Variants in KCNA6 observed in about 807,000 individuals in gnomAD.
KCNA6 encodes the protein potassium voltage-gated channel subfamily A member 6.
A neutral mutation model predicts 29.5 loss-of-function variants in KCNA6; 17 were observed. That is an observed-to-expected ratio of 0.58 (90% CI 0.39 to 0.86). The LOEUF (loss-of-function observed/expected upper bound fraction) is 0.86. KCNA6 is among the 40% of genes least tolerant of loss of function. KCNA6 has a pLI of 0.00. For synonymous variants in KCNA6, 296 were observed against 304.7 expected, an observed-to-expected ratio of 0.97 and a Z score of 0.30; for missense variants, 450 against 703.4, an observed-to-expected ratio of 0.64 and a Z score of 4.07.
At chr12:4,849,196 C>A in the KCNA6 span, among the ~76,000 whole-genome samples, 86,581 of 151,856 alleles carry the variant, frequency 0.57, 25,020 homozygotes, top group Admixed American at 0.64. Flanking sequence ...CTGTAGGTGG[C>A]GCCATAGAGC....
chr12:4,843,208 T>G, the KCNA6 span, among the ~76,000 whole-genome samples: 3 of 148,252 alleles, frequency 2.0e-5, no homozygotes, highest in East Asian at 2.0e-4. Flanking sequence ...TGAGACGGAG[T>G]CTCACTCTGT....
the KCNA6 span, among the ~76,000 whole-genome samples, chr12:4,844,177 C>T: frequency 2.0e-4 from 31 of 152,330 alleles, no homozygotes; most frequent in East Asian, 6.0e-3. This position sits in a 1 kb window ranked among gnomAD's most constrained non-coding sequence, Gnocchi z 4.0. Flanking sequence ...ACCATGGATG[C>T]ATCGGCAAAC....
chr12:4,816,065 T>A (rs1205176177), downstream of KCNA6, among the ~76,000 whole-genome samples: 1 of 152,188 alleles, frequency 6.6e-6, no homozygotes, highest in African/African-American at 2.4e-5. Flanking sequence ...AGTCTAATAA[T>A]CTGGGAGTTT....
In KCNA6 at chr12:4,810,782, C is replaced by T; in HGVS notation, c.741C>T (p.Gly247=). ...CCCCTGGGGAAATGGGGACCGGGGG[C>T]TCCTCCTCACTCAGTACTCTTGGGG... Residue 247 remains glycine (G), a synonymous_variant, in exon 1 of 1, where the codon GGC becomes GGT. Transcript: ENST00000280684. The surrounding 1 kb of genome is among the most constrained non-coding windows in gnomAD (Gnocchi z 7.5). The T allele has an allele frequency of 6.3e-7, 1 of 1,593,186 alleles. No individual in the cohort carries two copies. The highest frequency in any genetic ancestry group is 1.2e-5 in the South Asian group (1 of 85,830).
At position 4,810,679 on chromosome 12, in the gene KCNA6, G is replaced by C. The variant is rs1479006895; in HGVS notation, c.638G>C (p.Arg213Pro). The change falls in exon 1 of 1, where the codon CGA becomes CCA. Residue 213 changes from arginine (R) to proline (P), a missense_variant. Physicochemically the swap from Arg to Pro is moderately radical, Grantham distance 103 (BLOSUM62 -2). Transcript: ENST00000280684. The surrounding 1 kb of genome is among the most constrained non-coding windows in gnomAD (Gnocchi z 7.5). ...GGTGGAAACAATGGTGGTGTGAGTCGAGTCTCCCCAGTTTCCAGGGGGAGT... is the reference window on the plus strand; with the variant it reads ...GGTGGAAACAATGGTGGTGTGAGTCCAGTCTCCCCAGTTTCCAGGGGGAGT... 6.2e-7 allele frequency: 1 copy of C among 1,614,018 alleles called. No homozygotes were observed. The highest frequency in any genetic ancestry group is 1.1e-5 in the South Asian group (1 of 91,072).
chr12:4,837,965 C>T, the KCNA6 span, among the ~76,000 whole-genome samples: 5 of 151,992 alleles, frequency 3.3e-5, no homozygotes, highest in East Asian at 1.9e-4. Context: ...GGTGCTGCTG[C>T]GCTAGACTGC....
At chr12:4,823,934 A>G in the KCNA6 span, among the ~76,000 whole-genome samples, 8,797 of 152,250 alleles carry the variant, frequency 0.058, 276 homozygotes, top group African/African-American at 0.088. Flanking sequence ...GAGACATGAG[A>G]ACATGGTTCT....
chr12:4,824,809 C>G, the KCNA6 span, among the ~76,000 whole-genome samples: 3 of 152,218 alleles, frequency 2.0e-5, no homozygotes, highest in African/African-American at 7.2e-5. Flanking sequence ...CTGTGGAAAA[C>G]AGACTCAACT....
chr12:4,843,860 C>G, the KCNA6 span, among the ~76,000 whole-genome samples: 3 of 152,124 alleles, frequency 2.0e-5, no homozygotes, highest in African/African-American at 7.2e-5. Flanking sequence ...AGAACTCCAC[C>G]CCCATTACCC....
chr12:4,850,703 C>G, the KCNA6 span: 2 of 421,282 alleles, frequency 4.7e-6, no homozygotes, highest in East Asian at 1.4e-4. This position sits in a 1 kb window ranked among gnomAD's most constrained non-coding sequence, Gnocchi z 5.4. Context: ...ATATCACTAA[C>G]TACATGTCCT....
the KCNA6 span, among the ~76,000 whole-genome samples, chr12:4,835,397 G>A: frequency 6.6e-6 from 1 of 152,124 alleles, no homozygotes; most frequent in Non-Finnish European, 1.5e-5. Context: ...GCCTCCCAAA[G>A]TGCTGGGATT....
At position 4,811,091 on chromosome 12, in the gene KCNA6, C is replaced by T; in HGVS notation, c.1050C>T (p.Phe350=). The change falls in exon 1 of 1, where the codon TTC becomes TTT. Residue 350 remains phenylalanine (F), a synonymous_variant. Coordinates refer to ENST00000280684, the Ensembl canonical transcript of KCNA6. The surrounding 1 kb of genome is among the most constrained non-coding windows in gnomAD (Gnocchi z 7.1). ...GAGTCATCCGCCTGGTCCGGGTGTT[C>T]CGCATCTTCAAGCTCTCCCGCCACT... 2 of 1,613,564 alleles carry T rather than the reference C, an allele frequency of 1.2e-6. No homozygotes were observed. Among genetic ancestry groups the T allele is most frequent in the Non-Finnish European group, 1.7e-6 (2 of 1,179,712 alleles).
At chr12:4,823,942 T>A in the KCNA6 span, among the ~76,000 whole-genome samples, 6 of 152,270 alleles carry the variant, frequency 3.9e-5, no homozygotes, top group East Asian at 9.6e-4. Flanking sequence ...AGAACATGGT[T>A]CTGAGCCTCT....
chr12:4,816,432 G>GAT (rs1290990132), downstream of KCNA6, among the ~76,000 whole-genome samples: 1 of 152,020 alleles, frequency 6.6e-6, no homozygotes, highest in African/African-American at 2.4e-5. Context: ...ACTGAACTAT[G>GAT]ATATATATGT....
the KCNA6 span, among the ~76,000 whole-genome samples, chr12:4,839,702 T>C: frequency 2.0e-5 from 3 of 152,238 alleles, no homozygotes; most frequent in Non-Finnish European, 4.4e-5. Context: ...CCCATTGACA[T>C]GTATGTATAC....
chr12:4,818,260 A>G (rs568069171), downstream of KCNA6, among the ~76,000 whole-genome samples: 1 of 152,324 alleles, frequency 6.6e-6, no homozygotes, highest in South Asian at 2.1e-4. Flanking sequence ...GAATGGTGCT[A>G]TTCATTTACA....
chr12:4,827,838 T>G, the KCNA6 span, among the ~76,000 whole-genome samples: 2 of 152,210 alleles, frequency 1.3e-5, no homozygotes, highest in African/African-American at 4.8e-5. Flanking sequence ...CAGCTTTCCT[T>G]CCTACTCTTA....
chr12:4,822,395 A>G, the KCNA6 span, among the ~76,000 whole-genome samples: 3 of 152,072 alleles, frequency 2.0e-5, no homozygotes, highest in African/African-American at 7.2e-5. Flanking sequence ...TCAGATGGAG[A>G]TGTGAGTATG....
At chr12:4,839,692 C>A in the KCNA6 span, among the ~76,000 whole-genome samples, 1 of 152,110 alleles carries the variant, frequency 6.6e-6, no homozygotes, top group South Asian at 2.1e-4. Context: ...ATAAAAAGTG[C>A]CCATTGACAT....
Sources: allele counts gnomAD v4.1 joint callset (sites outside exome capture counted in the v4.1 genomes callset), GRCh38; gene constraint gnomAD v4.1.1; non-coding constraint Gnocchi (gnomAD v3.1); transcripts MANE v1.5; gene names NCBI Gene and HGNC (gene_info 2026-07-23, HGNC 2026-07-21).